Variants in PDGFD observed in about 807,000 individuals in gnomAD.
PDGFD encodes the protein platelet-derived growth factor D.
Under a neutral mutation model 44.7 loss-of-function variants are expected in PDGFD, and 30 were observed. That is an observed-to-expected ratio of 0.67 (90% CI 0.50 to 0.91). The LOEUF (loss-of-function observed/expected upper bound fraction) is 0.91. Ranked by LOEUF, PDGFD falls within the 40% of genes least tolerant of loss-of-function variation. The pLI is 0.00. For missense variants in PDGFD, 445 were observed against 457.8 expected, an observed-to-expected ratio of 0.97 and a Z score of 0.25; for synonymous variants, 173 against 168.4, an observed-to-expected ratio of 1.03 and a Z score of -0.21.
At position 103,925,576 on chromosome 11, in the gene PDGFD, T is replaced by G. The variant is rs950511252; in HGVS notation, c.987+1336A>C. ...CAAAACTTTAGTGACTTGCATGTGTTTCCACAATAATAAAGTAATTAGAGC... is the reference window on the plus strand; with the variant it reads ...CAAAACTTTAGTGACTTGCATGTGTGTCCACAATAATAAAGTAATTAGAGC... On this transcript the variant is annotated intron_variant, in intron 6 of 6. Coordinates refer to ENST00000393158, the MANE Select transcript of PDGFD (RefSeq NM_025208.5). 2.0e-5 allele frequency among the ~76,000 whole-genome samples: 3 copies of G among 150,906 alleles called. No homozygotes were observed. The South Asian group carries it at 6.3e-4, about 32-fold the overall frequency.
At chr11:103,982,581 G>C (rs549082198) in intron 3 of PDGFD, among the ~76,000 whole-genome samples, 1 of 151,898 alleles carries the variant, frequency 6.6e-6, no homozygotes, top group South Asian at 2.1e-4. Context: ...TCAGGAAAGA[G>C]AAAGAAATAA....
At chr11:103,994,829 C>G (rs1010041497) in intron 3 of PDGFD, among the ~76,000 whole-genome samples, 1 of 150,888 alleles carries the variant, frequency 6.6e-6, no homozygotes, top group African/African-American at 2.4e-5. Context: ...GCCTAACGTA[C>G]AGCACTCAGT....
At chr11:104,071,429 CGTGT>C (rs144455506) in intron 1 of PDGFD, among the ~76,000 whole-genome samples, 30 of 145,704 alleles carry the variant, frequency 2.1e-4, no homozygotes, top group Admixed American at 7.5e-4. Flanking sequence ...TATTTGAGTG[CGTGT>C]GTGTGTGTGT....
chr11:103,937,213 TATTA>T (rs1466193690), intron 5 of PDGFD, among the ~76,000 whole-genome samples: 1 of 152,212 alleles, frequency 6.6e-6, no homozygotes, highest in African/African-American at 2.4e-5. Context: ...ATATTTTAAT[TATTA>T]ATTTAAAACT....
At chr11:103,930,075 T>C (rs1858377251) in intron 5 of PDGFD, among the ~76,000 whole-genome samples, 1 of 152,252 alleles carries the variant, frequency 6.6e-6, no homozygotes, top group South Asian at 2.1e-4. Flanking sequence ...GAATAATCCC[T>C]CTTTTTCTGT....
chr11:104,159,603 T>C (rs1049160675), intron 1 of PDGFD, among the ~76,000 whole-genome samples: 2 of 152,046 alleles, frequency 1.3e-5, no homozygotes, highest in African/African-American at 2.4e-5. Flanking sequence ...ATGCTCAGAG[T>C]TCTGCGTGAC....
At chr11:104,005,613 T>A (rs1432937157) in intron 1 of PDGFD, among the ~76,000 whole-genome samples, 1 of 152,220 alleles carries the variant, frequency 6.6e-6, no homozygotes, top group East Asian at 1.9e-4. Flanking sequence ...GGAGCAACTA[T>A]TGCCAGGTAC....
chr11:104,074,718 A>G (rs1434477102), intron 1 of PDGFD, among the ~76,000 whole-genome samples: 2 of 151,392 alleles, frequency 1.3e-5, no homozygotes, highest in African/African-American at 4.8e-5. Flanking sequence ...AAGTAAGTCC[A>G]GAGAGATTAT....
chr11:104,126,380 C>T (rs1861841277), intron 1 of PDGFD, among the ~76,000 whole-genome samples: 1 of 152,126 alleles, frequency 6.6e-6, no homozygotes, highest in African/African-American at 2.4e-5. Flanking sequence ...AACCTCACTT[C>T]TAAAAGACAT....
chr11:103,978,999 C>G (rs184274750), intron 3 of PDGFD, among the ~76,000 whole-genome samples: 69 of 152,152 alleles, frequency 4.5e-4, no homozygotes, highest in Non-Finnish European at 8.2e-4. Context: ...AGAATCAGCT[C>G]AGGAGCTTTA....
At chr11:103,929,743 G>A (rs949885486) in intron 5 of PDGFD, among the ~76,000 whole-genome samples, 5 of 152,190 alleles carry the variant, frequency 3.3e-5, no homozygotes, top group Admixed American at 2.0e-4. Context: ...TAACTTCAAA[G>A]CGTGATTGCA....
chr11:104,132,030 A>G (rs891474923), intron 1 of PDGFD, among the ~76,000 whole-genome samples: 4 of 151,976 alleles, frequency 2.6e-5, no homozygotes, highest in Non-Finnish European at 4.4e-5. Context: ...GGCTCAGGAA[A>G]TCTTGAGATT....
chr11:103,918,092 A>G (rs1480805005), intron 6 of PDGFD, among the ~76,000 whole-genome samples: 1 of 152,176 alleles, frequency 6.6e-6, no homozygotes, highest in Non-Finnish European at 1.5e-5. Context: ...ACTTCAAAAG[A>G]CTTGTCAGTA....
chr11:103,929,671 T>A (rs1304586946), intron 5 of PDGFD, among the ~76,000 whole-genome samples: 1 of 152,220 alleles, frequency 6.6e-6, no homozygotes, highest in Non-Finnish European at 1.5e-5. Context: ...ATCAGGCGAT[T>A]GAAATCACCG....
At chr11:103,999,210 C>T (rs1267058606) in intron 2 of PDGFD, among the ~76,000 whole-genome samples, 2 of 151,998 alleles carry the variant, frequency 1.3e-5, no homozygotes, top group African/African-American at 2.4e-5. Context: ...AAATTTGAGG[C>T]CCCTCTTTTT....
At chr11:104,134,255 C>T (rs545416780) in intron 1 of PDGFD, among the ~76,000 whole-genome samples, 1 of 151,846 alleles carries the variant, frequency 6.6e-6, no homozygotes, top group Non-Finnish European at 1.5e-5. Context: ...CTGCTGAAAA[C>T]TCAGCAGTAT....
chr11:103,966,863 C>T (rs935248537), intron 3 of PDGFD, among the ~76,000 whole-genome samples: 1 of 152,036 alleles, frequency 6.6e-6, no homozygotes, highest in Non-Finnish European at 1.5e-5. Flanking sequence ...TTTCACTGAC[C>T]ACTCACTCTT....
intron 1 of PDGFD, among the ~76,000 whole-genome samples, chr11:104,071,221 C>T (rs1435222853): frequency 6.6e-6 from 1 of 151,730 alleles, no homozygotes; most frequent in Non-Finnish European, 1.5e-5. Context: ...AAACATTACA[C>T]CAATATGTAA....
At chr11:103,961,487 G>A (rs183674868) in intron 3 of PDGFD, among the ~76,000 whole-genome samples, 1 of 152,216 alleles carries the variant, frequency 6.6e-6, no homozygotes, top group African/African-American at 2.4e-5. Context: ...TAGGGAAGCA[G>A]GCAGGTGAAG....
Sources: gnomAD v4.1 joint callset for allele counts (sites outside exome capture counted in the v4.1 genomes callset) on GRCh38, gnomAD v4.1.1 for gene constraint, MANE v1.5 for transcripts, NCBI Gene and HGNC (gene_info 2026-07-23, HGNC 2026-07-21) for gene names.